Variants in KDM5A observed in about 807,000 individuals in gnomAD.
The protein encoded by KDM5A is lysine demethylase 5A.
KDM5A carries 42 observed loss-of-function variants against 193.5 expected under a neutral mutation model. The ratio of observed to expected loss-of-function variants is 0.22; its 90% confidence interval spans 0.17 to 0.28. KDM5A has a LOEUF of 0.28. KDM5A is among the 10% of genes least tolerant of loss of function. KDM5A has a pLI of 1.00. For missense variants in KDM5A, 1,692 were observed against 2,055.1 expected, an observed-to-expected ratio of 0.82 and a Z score of 3.42; for synonymous variants, 796 against 718.1, an observed-to-expected ratio of 1.11 and a Z score of -1.73.
At chr12:317,082 TAC>T (rs1337310233) in intron 19 of KDM5A, among the ~76,000 whole-genome samples, 1 of 152,210 alleles carries the variant, frequency 6.6e-6, no homozygotes, top group East Asian at 1.9e-4. Context: ...TTTGCTGACA[TAC>T]AGTCAGATAT....
chr12:317,795 T>G (rs1241228853), intron 19 of KDM5A, among the ~76,000 whole-genome samples: 2 of 152,180 alleles, frequency 1.3e-5, no homozygotes, highest in Non-Finnish European at 2.9e-5. Context: ...TGGGCATTCC[T>G]GCCCAGCAAG....
chr12:318,315 T>C lies in KDM5A; in HGVS notation c.2688A>G (p.Gln896=), dbSNP rs1943673683. The change falls in exon 19 of 28, where the codon CAA becomes CAG. Residue 896 remains glutamine, a synonymous_variant. Transcript: ENST00000399788. ...VELPELPRLK[Q]ELQQARWLDE... is the part of the protein sequence containing the mutation. ...CCAACCACCGAGCCTGTTGTAGCTC[T>C]TGCTTCAGTCGTGGTAATTCAGGGA... is the stretch of plus-strand genomic sequence containing the variant. The C allele has an allele frequency of 1.9e-6, 3 of 1,613,590 alleles. No homozygotes were observed. The highest frequency in any genetic ancestry group is 1.7e-6 in the Non-Finnish European group (2 of 1,179,590).
rs998253161 is a variant in KDM5A, at chr12:352,309, G to C, written c.1045C>G (p.Arg349Gly). ...KCVAEECSKP[R>G]EAFGFEQAVR... Reference sequence around the variant, plus strand: ...GCTTGTTCAAATCCAAAGGCTTCTCGAGGTTTGCTACATTCCTGGAAAGAA... The same window carrying C: ...GCTTGTTCAAATCCAAAGGCTTCTCCAGGTTTGCTACATTCCTGGAAAGAA... Residue 349 changes from arginine to glycine, a missense_variant, in exon 9 of 28, where the codon CGA (arginine) becomes GGA (glycine). By Grantham distance (125) the Arg-to-Gly change is moderately radical (BLOSUM62 -2). Transcript: ENST00000399788. 6.2e-7 allele frequency: 1 copy of C among 1,613,268 alleles called. No homozygotes were observed. Among genetic ancestry groups the C allele is most frequent in the Non-Finnish European group, 8.5e-7 (1 of 1,179,448 alleles).
intron 10 of KDM5A, among the ~76,000 whole-genome samples, chr12:337,311 G>A (rs1470268442): frequency 6.6e-6 from 1 of 152,182 alleles, no homozygotes; most frequent in African/African-American, 2.4e-5. Flanking sequence ...AGCAGTACAA[G>A]AATGGACTAA....
At chr12:375,790 C>T (rs1305941077) in intron 3 of KDM5A, among the ~76,000 whole-genome samples, 1 of 152,116 alleles carries the variant, frequency 6.6e-6, no homozygotes, top group Non-Finnish European at 1.5e-5. Context: ...GTTAGTTTTC[C>T]TTCTAACAGT....
intron 22 of KDM5A, 96 bp from the exon 23 acceptor site, chr12:308,101 C>A: frequency 1.5e-6 from 2 of 1,343,770 alleles, no homozygotes; most frequent in Non-Finnish European, 2.1e-6. Context: ...CCCAAGTTAT[C>A]AGTTATAAAC....
intron 3 of KDM5A, among the ~76,000 whole-genome samples, chr12:366,603 A>G (rs921083182): frequency 2.0e-5 from 3 of 152,234 alleles, no homozygotes; most frequent in Non-Finnish European, 4.4e-5. Context: ...ATTTTTCAAA[A>G]GGGCAAGAGT....
At chr12:366,406 CTACT>C (rs900936513) in intron 3 of KDM5A, among the ~76,000 whole-genome samples, 22 of 152,160 alleles carry the variant, frequency 1.4e-4, no homozygotes, top group South Asian at 1.0e-3. Context: ...GACAGACTAC[CTACT>C]TAAGGAACTC....
chr12:293,391 C>A (rs1041707600), intron 26 of KDM5A, among the ~76,000 whole-genome samples: 1 of 152,018 alleles, frequency 6.6e-6, no homozygotes, highest in Admixed American at 6.6e-5. Context: ...GTGACAGTTG[C>A]GTAACACTGT....
intron 3 of KDM5A, among the ~76,000 whole-genome samples, chr12:378,958 C>CAAAAA (rs11364846): frequency 9.4e-6 from 1 of 106,216 alleles, no homozygotes. Flanking sequence ...GACTCCATCT[C>CAAAAA]AAAAAAAAAA....
At chr12:323,229 A>AAG in intron 15 of KDM5A, 23 bp from the exon 16 acceptor site, 1 of 1,495,424 alleles carries the variant, frequency 6.7e-7, no homozygotes, top group South Asian at 1.3e-5. Context: ...AAAAAAAAAA[A>AAG]AAAAAAAAAA....
intron 3 of KDM5A, among the ~76,000 whole-genome samples, chr12:376,114 C>A (rs577806811): frequency 5.3e-5 from 8 of 152,362 alleles, no homozygotes; most frequent in African/African-American, 1.9e-4. Context: ...GGCTGTCAGA[C>A]AGGGACATTT....
chr12:333,985 T>TG (rs1444834957), intron 11 of KDM5A, among the ~76,000 whole-genome samples: 1 of 152,172 alleles, frequency 6.6e-6, no homozygotes, highest in African/African-American at 2.4e-5. Context: ...CACATGACCT[T>TG]GATTCAGAGG....
At chr12:297,591 C>G (rs561424230) in intron 24 of KDM5A, among the ~76,000 whole-genome samples, 1 of 152,304 alleles carries the variant, frequency 6.6e-6, no homozygotes, top group South Asian at 2.1e-4. Context: ...TTACACACAC[C>G]TTGTACCAGG....
chr12:322,957 A>T, intron 16 of KDM5A, 125 bp downstream of exon 16: 1 of 1,230,950 alleles, frequency 8.1e-7, no homozygotes, highest in Non-Finnish European at 1.2e-6. Flanking sequence ...CAACCCATTA[A>T]TCTCAAATCT....
At chr12:337,015 G>GA (rs1306536463) in intron 10 of KDM5A, among the ~76,000 whole-genome samples, 2 of 152,146 alleles carry the variant, frequency 1.3e-5, no homozygotes, top group African/African-American at 4.8e-5. Context: ...CCCAATGTTG[G>GA]AGGAGGGACC....
intron 20 of KDM5A, among the ~76,000 whole-genome samples, chr12:311,815 C>A (rs1165466924): frequency 6.6e-6 from 1 of 152,156 alleles, no homozygotes; most frequent in Non-Finnish European, 1.5e-5. Flanking sequence ...AGGCGGATCA[C>A]CTGAGGTGAG....
intron 7 of KDM5A, among the ~76,000 whole-genome samples, chr12:354,694 G>A (rs774644026): frequency 1.8e-4 from 27 of 152,026 alleles, no homozygotes; most frequent in Non-Finnish European, 3.7e-4. Flanking sequence ...ATGAGCCCGA[G>A]AGGTGGAGCT....
intron 3 of KDM5A, among the ~76,000 whole-genome samples, chr12:370,605 C>A (rs374568728): frequency 1.0e-5 from 1 of 100,500 alleles, no homozygotes; most frequent in African/African-American, 3.3e-5. Flanking sequence ...CAGCTGGGAA[C>A]AGAGACTTTT....
Sources: gnomAD v4.1 joint callset for allele counts (sites outside exome capture counted in the v4.1 genomes callset) on GRCh38, gnomAD v4.1.1 for gene constraint, MANE v1.5 for transcripts, NCBI Gene and HGNC (gene_info 2026-07-23, HGNC 2026-07-21) for gene names.